The following SEMA6A variants were observed in gnomAD, a reference collection of about 807,000 sequenced individuals.
The protein encoded by SEMA6A is semaphorin-6A.
Under a neutral mutation model 96.8 loss-of-function variants are expected in SEMA6A, and 25 were observed. The ratio of observed to expected loss-of-function variants is 0.26; its 90% CI spans 0.19 to 0.36. The LOEUF (loss-of-function observed/expected upper bound fraction) is 0.36. Among genes scored for constraint, SEMA6A ranks in the 10% least tolerant of loss-of-function variants. The probability of loss-of-function intolerance (pLI) is 1.00; values close to 1 mark genes in which losing one functional copy is unlikely to be tolerated. For missense variants in SEMA6A, 1,363 were observed against 1,323.1 expected, an observed-to-expected ratio of 1.03 and a Z score of -0.47; for synonymous variants, 612 against 518.0, an observed-to-expected ratio of 1.18 and a Z score of -2.46.
chr5:116,487,765 G>A (rs1350382846), intron 9 of SEMA6A, among the ~76,000 whole-genome samples: 1 of 152,184 alleles, frequency 6.6e-6, no homozygotes, highest in Non-Finnish European at 1.5e-5. Context: ...TCGGGAGGCT[G>A]AGGCAGGAGA....
chr5:116,454,500 T>C (rs1561465182), intron 18 of SEMA6A, among the ~76,000 whole-genome samples: 2 of 152,084 alleles, frequency 1.3e-5, no homozygotes, highest in South Asian at 2.1e-4. Flanking sequence ...TAGCCAAGCA[T>C]CGCCCCGCTA....
At chr5:116,478,286 G>C in intron 13 of SEMA6A, 132 bp from the exon 14 acceptor site, 1 of 1,058,598 alleles carries the variant, frequency 9.4e-7, no homozygotes, top group South Asian at 1.6e-5. Context: ...AAACCCTTCT[G>C]CTCTTGCACA....
chr5:116,448,024 T>C (rs1431944314), intron 18 of SEMA6A, among the ~76,000 whole-genome samples: 2 of 152,000 alleles, frequency 1.3e-5, no homozygotes, highest in Non-Finnish European at 2.9e-5. Flanking sequence ...TTTGTAGCCT[T>C]CTTTGTTGTC....
At chr5:116,513,062 T>C (rs1424323574) in intron 1 of SEMA6A, among the ~76,000 whole-genome samples, 1 of 152,164 alleles carries the variant, frequency 6.6e-6, no homozygotes, top group Non-Finnish European at 1.5e-5. Flanking sequence ...GATGTTTTGA[T>C]ACAGACATGC....
chr5:116,543,094 T>C (rs760639071), intron 1 of SEMA6A, among the ~76,000 whole-genome samples: 1 of 152,248 alleles, frequency 6.6e-6, no homozygotes, highest in Non-Finnish European at 1.5e-5. Context: ...TTCAAGAAGA[T>C]GTCAATTTTA....
At chr5:116,474,709 T>C (rs1756365166) in intron 16 of SEMA6A, among the ~76,000 whole-genome samples, 1 of 152,198 alleles carries the variant, frequency 6.6e-6, no homozygotes, top group Admixed American at 6.5e-5. Flanking sequence ...GAATCAAATA[T>C]CAGGATAATA....
At position 116,447,095 on chromosome 5, in the gene SEMA6A, C is replaced by G. The variant is rs1754267631; in HGVS notation, c.2611G>C (p.Val871Leu). ...SKSPNHGVNL[V>L]ENLDSLPPKV... ...GGGGGCAGGCTGTCCAGGTTCTCCACAAGGTTCACCCCATGGTTGGGACTC... is the reference window on the plus strand; with the variant it reads ...GGGGGCAGGCTGTCCAGGTTCTCCAGAAGGTTCACCCCATGGTTGGGACTC... Residue 871 changes from valine (V) to leucine (L), a missense_variant, in exon 19 of 19, where the codon GTG becomes CTG. Physicochemically the swap from Val to Leu is conservative, Grantham distance 32. Transcript: ENST00000343348. The G allele has an allele frequency of 6.2e-7, 1 of 1,613,860 alleles. No individual in the cohort carries two copies. The highest frequency in any genetic ancestry group is 1.3e-5 in the African/African-American group (1 of 74,924).
In SEMA6A at chr5:116,447,281, G is replaced by A; in HGVS notation, c.2425C>T (p.Pro809Ser). 6.2e-7 allele frequency: 1 copy of A among 1,613,874 alleles called. No homozygotes were observed. The highest frequency in any genetic ancestry group is 8.5e-7 in the Non-Finnish European group (1 of 1,179,908). The change falls in exon 19 of 19, where the codon CCC becomes TCC. Residue 809 changes from proline to serine, a missense_variant. Transcript: ENST00000343348. ...IPTDLPLRAS[P>S]SHIPSVVVLP... Reference sequence around the variant, plus strand: ...ACCACCACGCTGGGGATGTGGCTGGGGGAGGCCCGCAGGGGCAGGTCCGTG... The same window carrying A: ...ACCACCACGCTGGGGATGTGGCTGGAGGAGGCCCGCAGGGGCAGGTCCGTG...
chr5:116,531,831 T>C (rs1339104438), intron 1 of SEMA6A, among the ~76,000 whole-genome samples: 1 of 152,178 alleles, frequency 6.6e-6, no homozygotes, highest in Non-Finnish European at 1.5e-5. Flanking sequence ...GGTCACCTGC[T>C]GTAACCTAAG....
chr5:116,533,521 T>C (rs78968355), intron 1 of SEMA6A, among the ~76,000 whole-genome samples: 4,474 of 152,328 alleles, frequency 0.029, 88 homozygotes, highest in Non-Finnish European at 0.046. Context: ...GCCCTTTTTA[T>C]TGAAAATCTT....
At chr5:116,540,789 T>C (rs753011972) in intron 1 of SEMA6A, among the ~76,000 whole-genome samples, 1 of 152,216 alleles carries the variant, frequency 6.6e-6, no homozygotes, top group Non-Finnish European at 1.5e-5. Flanking sequence ...CAGTTTATTC[T>C]CATCTAACTG....
In SEMA6A at chr5:116,480,191, G is replaced by A. The variant is rs200583335; in HGVS notation, c.1181C>T (p.Thr394Met). The change falls in exon 12 of 19, where the codon ACG (threonine) becomes ATG (methionine). Residue 394 changes from threonine to methionine, a missense_variant. Coordinates refer to ENST00000343348, the MANE Select transcript of SEMA6A (RefSeq NM_020796.5). ...CACTGCCTCATCCATGAGCGGGTGC[G>A]TCTTGATGAAGTTCAGGGTATCATC... Reference protein sequence around the residue: ...FPDDTLNFIKTHPLMDEAVPS... With the variant: ...FPDDTLNFIKMHPLMDEAVPS... 5.5e-4 allele frequency: 888 copies of A among 1,613,700 alleles called. 1 individual carries two copies. The highest frequency in any genetic ancestry group is 7.1e-4 in the Non-Finnish European group (833 of 1,179,800).
intron 3 of SEMA6A, among the ~76,000 whole-genome samples, chr5:116,501,388 G>A (rs1281705029): frequency 2.0e-5 from 3 of 152,086 alleles, no homozygotes; most frequent in Admixed American, 2.0e-4. Context: ...TTCCCCAATG[G>A]ATGAGTATTT....
chr5:116,556,871 G>T (rs747527762), intron 1 of SEMA6A, among the ~76,000 whole-genome samples: 2 of 152,094 alleles, frequency 1.3e-5, no homozygotes. Context: ...GTGTTGCAAC[G>T]TTACCTTCAT....
intron 1 of SEMA6A, among the ~76,000 whole-genome samples, chr5:116,532,915 A>G (rs17140038): frequency 6.6e-6 from 1 of 152,142 alleles, no homozygotes; most frequent in Admixed American, 6.5e-5. Context: ...TAACAGGGAC[A>G]CAGACAGAGA....
intron 1 of SEMA6A, among the ~76,000 whole-genome samples, chr5:116,569,811 A>G (rs893941064): frequency 2.0e-5 from 3 of 152,192 alleles, no homozygotes; most frequent in African/African-American, 7.2e-5. Flanking sequence ...GAAGACTATG[A>G]GAAAGGCAGA....
In SEMA6A at chr5:116,517,466, TA is replaced by T. The variant is rs1023330404; in HGVS notation, c.-38-12485del. Among the ~76,000 whole-genome samples the T allele has an allele frequency of 6.0e-3, 894 of 148,220 alleles. 9 individuals are homozygous for T. Among genetic ancestry groups the T allele is most frequent in the African/African-American group, 0.021 (850 of 40,922 alleles). On this transcript the variant is annotated intron_variant, in intron 1 of 18. Coordinates refer to ENST00000343348, the MANE Select transcript of SEMA6A (RefSeq NM_020796.5). ...TGTGTTGTGAAATTCTCACAGAATT[TA>T]AAAAAAAAAGTAATCTGATTTCACA...
At chr5:116,526,100 G>C (rs1320803287) in intron 1 of SEMA6A, among the ~76,000 whole-genome samples, 1 of 152,040 alleles carries the variant, frequency 6.6e-6, no homozygotes, top group Admixed American at 6.5e-5. Flanking sequence ...GCTTTGGAGG[G>C]ATGGCTCTTA....
At chr5:116,569,240 A>T (rs1324267790) in intron 1 of SEMA6A, among the ~76,000 whole-genome samples, 1 of 152,224 alleles carries the variant, frequency 6.6e-6, no homozygotes, top group Non-Finnish European at 1.5e-5. Context: ...TGAGAAAGTG[A>T]CATTTGAACA....
Sources: allele counts gnomAD v4.1 joint callset (sites outside exome capture counted in the v4.1 genomes callset), GRCh38; gene constraint gnomAD v4.1.1; transcripts MANE v1.5; gene names NCBI Gene and HGNC (gene_info 2026-07-23, HGNC 2026-07-21).